The following CTNND2 variants were observed in gnomAD, a reference collection of about 807,000 sequenced individuals.
CTNND2 encodes the protein catenin delta 2.
CTNND2 carries 22 observed loss-of-function variants against 144.4 expected under a neutral mutation model. That is an observed-to-expected ratio of 0.15 (90% CI 0.11 to 0.22). The LOEUF (loss-of-function observed/expected upper bound fraction) is 0.22. Ranked by LOEUF, CTNND2 falls within the 10% of genes least tolerant of loss-of-function variation. The pLI is 1.00. For missense variants in CTNND2, 1,353 were observed against 1,618.8 expected, an observed-to-expected ratio of 0.84 and a Z score of 2.82; for synonymous variants, 751 against 695.6, an observed-to-expected ratio of 1.08 and a Z score of -1.25.
chr5:11,175,437 C>A (rs543737184), intron 11 of CTNND2, among the ~76,000 whole-genome samples: 34 of 152,282 alleles, frequency 2.2e-4, no homozygotes, highest in African/African-American at 7.9e-4. Context: ...ACTCACATGT[C>A]ACTTTACAGA....
chr5:11,616,101 T>C (rs1254291138), intron 2 of CTNND2, among the ~76,000 whole-genome samples: 1 of 152,248 alleles, frequency 6.6e-6, no homozygotes, highest in Non-Finnish European at 1.5e-5. Flanking sequence ...GAAACGGTGA[T>C]ATTGGCTTTA....
intron 2 of CTNND2, among the ~76,000 whole-genome samples, chr5:11,725,810 G>A (rs529730590): frequency 1.2e-4 from 18 of 151,766 alleles, no homozygotes; most frequent in South Asian, 6.2e-4. Flanking sequence ...TTTAAAAAAC[G>A]TTTTTGAGAT....
intron 5 of CTNND2, among the ~76,000 whole-genome samples, chr5:11,399,156 G>C (rs1760405325): frequency 6.6e-6 from 1 of 152,200 alleles, no homozygotes; most frequent in South Asian, 2.1e-4. Context: ...ACAAAGGAGG[G>C]CTGCCTGCTG....
intron 12 of CTNND2, among the ~76,000 whole-genome samples, chr5:11,153,553 G>A (rs529769848): frequency 9.9e-5 from 15 of 152,218 alleles, no homozygotes; most frequent in East Asian, 3.9e-4. Flanking sequence ...GTGAAGGGGC[G>A]TTTCTCAAGG....
intron 2 of CTNND2, among the ~76,000 whole-genome samples, chr5:11,615,969 T>C (rs1040627518): frequency 2.0e-5 from 3 of 152,254 alleles, no homozygotes; most frequent in Non-Finnish European, 4.4e-5. Flanking sequence ...ATCTCCATGA[T>C]GGCCAAGTGG....
intron 1 of CTNND2, among the ~76,000 whole-genome samples, chr5:11,793,521 C>T (rs1447608606): frequency 1.3e-5 from 2 of 152,158 alleles, no homozygotes; most frequent in African/African-American, 2.4e-5. Flanking sequence ...ACCAATATGA[C>T]AGATGTCCTC....
intron 9 of CTNND2, among the ~76,000 whole-genome samples, chr5:11,262,628 G>A (rs1258606870): frequency 6.6e-6 from 1 of 151,492 alleles, no homozygotes; most frequent in African/African-American, 2.4e-5. Flanking sequence ...TGGGCGTGGT[G>A]GCGGGCACCT....
At chr5:11,262,471 T>C (rs933798230) in intron 9 of CTNND2, among the ~76,000 whole-genome samples, 6 of 152,100 alleles carry the variant, frequency 3.9e-5, no homozygotes, top group African/African-American at 1.4e-4. Flanking sequence ...TCTTTGAAAC[T>C]AAATGTGTTG....
chr5:11,273,168 G>A (rs181572702), intron 9 of CTNND2, among the ~76,000 whole-genome samples: 2 of 152,074 alleles, frequency 1.3e-5, no homozygotes, highest in Non-Finnish European at 2.9e-5. Flanking sequence ...TTGCCTCTTG[G>A]CCCACGAAGC....
At chr5:11,507,856 G>A (rs16901690) in intron 3 of CTNND2, among the ~76,000 whole-genome samples, 2,153 of 152,226 alleles carry the variant, frequency 0.014, 53 homozygotes, top group African/African-American at 0.049. Context: ...ATGTTCCACC[G>A]TCCTGGCGAG....
chr5:11,601,047 C>T (rs972060952), intron 2 of CTNND2, among the ~76,000 whole-genome samples: 1 of 152,000 alleles, frequency 6.6e-6, no homozygotes, highest in Admixed American at 6.6e-5. Flanking sequence ...ACATGATACT[C>T]TATTTTAGTA....
At chr5:11,410,994 C>T (rs1761482169) in intron 5 of CTNND2, among the ~76,000 whole-genome samples, 1 of 151,844 alleles carries the variant, frequency 6.6e-6, no homozygotes, top group African/African-American at 2.4e-5. Flanking sequence ...GCCTCAGCCT[C>T]TTGAATAGCT....
intron 16 of CTNND2, among the ~76,000 whole-genome samples, chr5:11,031,384 G>C (rs1282383607): frequency 1.3e-5 from 2 of 152,112 alleles, no homozygotes; most frequent in African/African-American, 4.8e-5. Flanking sequence ...ACAGCTGCCT[G>C]CTACAGGGCT....
intron 1 of CTNND2, among the ~76,000 whole-genome samples, chr5:11,901,907 C>T (rs1006673583): frequency 6.6e-6 from 1 of 152,174 alleles, no homozygotes; most frequent in Non-Finnish European, 1.5e-5. Flanking sequence ...ATGTATGCTA[C>T]TTCATCTATT....
rs540914920 is a variant in CTNND2, at chr5:11,704,557, T to C, written c.174+27579A>G. On this transcript the variant is annotated intron_variant, in intron 2 of 21. Transcript: ENST00000304623. ...CTCAAGTTCCAGTTTCCAGAGGATGTTCTAGCAAACATTAGTTGAGGCCAC... is the reference window on the plus strand; with the variant it reads ...CTCAAGTTCCAGTTTCCAGAGGATGCTCTAGCAAACATTAGTTGAGGCCAC... 5.9e-5 allele frequency among the ~76,000 whole-genome samples: 9 copies of C among 152,244 alleles called. No homozygotes were observed. In the South Asian group the frequency reaches 1.9e-3, roughly 32 times the overall value.
At chr5:11,882,322 C>T (rs894812391) in intron 1 of CTNND2, among the ~76,000 whole-genome samples, 2 of 152,012 alleles carry the variant, frequency 1.3e-5, no homozygotes, top group African/African-American at 4.8e-5. Context: ...CAGCATTTCA[C>T]CAATGTTTTC....
intron 11 of CTNND2, among the ~76,000 whole-genome samples, chr5:11,191,512 T>C (rs186029149): frequency 1.3e-5 from 2 of 152,316 alleles, no homozygotes; most frequent in East Asian, 3.9e-4. Flanking sequence ...ACTGCAACTA[T>C]GCTTCCCAGG....
chr5:11,167,345 T>C (rs949827825), intron 11 of CTNND2, among the ~76,000 whole-genome samples: 1 of 152,202 alleles, frequency 6.6e-6, no homozygotes, highest in Non-Finnish European at 1.5e-5. Flanking sequence ...GTAGAATTAT[T>C]CTTGCTCATT....
At chr5:11,507,202 G>A (rs918627681) in intron 3 of CTNND2, among the ~76,000 whole-genome samples, 1 of 152,278 alleles carries the variant, frequency 6.6e-6, no homozygotes, top group African/African-American at 2.4e-5. Flanking sequence ...GGCTAAGGAT[G>A]TTCCTACATA....
Sources: gnomAD v4.1 joint callset for allele counts (sites outside exome capture counted in the v4.1 genomes callset) on GRCh38, gnomAD v4.1.1 for gene constraint, MANE v1.5 for transcripts, NCBI Gene and HGNC (gene_info 2026-07-23, HGNC 2026-07-21) for gene names.